EDF1: variants seen among roughly 807,000 people sequenced by gnomAD.
The protein encoded by EDF1 is endothelial differentiation-related factor 1.
A neutral mutation model predicts 20.8 loss-of-function variants in EDF1; 5 were observed. The observed-to-expected ratio is 0.24, with a 90% CI of 0.13 to 0.51. The LOEUF (loss-of-function observed/expected upper bound fraction) is 0.51. Among genes scored for constraint, EDF1 ranks in the 20% least tolerant of loss-of-function variants. EDF1 has a pLI of 0.97. For synonymous variants in EDF1, 96 were observed against 78.5 expected, an observed-to-expected ratio of 1.22 and a Z score of -1.18; for missense variants, 137 against 197.8, an observed-to-expected ratio of 0.69 and a Z score of 1.84.
At position 136,862,211 on chromosome 9, in the gene EDF1, G is replaced by A. The variant is rs1588397833; in HGVS notation, c.*73C>T. 2 of 1,595,578 alleles carry A rather than the reference G, an allele frequency of 1.3e-6. No homozygotes were observed. Among genetic ancestry groups the A allele is most frequent in the Non-Finnish European group, 1.7e-6 (2 of 1,163,580 alleles). On this transcript the variant is annotated 3_prime_UTR_variant, in exon 5 of 5. Coordinates refer to ENST00000224073, the MANE Select transcript of EDF1 (RefSeq NM_003792.4). The surrounding 1 kb of genome is among the most constrained non-coding windows in gnomAD (Gnocchi z 4.1). ...CCTTGTTCCGTTCGGCCCGTGAGGAGAACGGAACTGGCGGCCAAGGGGAAC... is the reference window on the plus strand; with the variant it reads ...CCTTGTTCCGTTCGGCCCGTGAGGAAAACGGAACTGGCGGCCAAGGGGAAC...
At position 136,862,775 on chromosome 9, in the gene EDF1, G is replaced by A. The variant is rs984956756; in HGVS notation, c.385+131C>T. 1.2e-6 allele frequency: 2 copies of A among 1,600,520 alleles called. No individual in the cohort carries two copies. The highest frequency in any genetic ancestry group is 1.3e-5 in the African/African-American group (1 of 74,782). ...AGTCTGTACTACCTGGAGAAGCAAAGCTCCAGAATTCAGAGAACAGGGGAC... is the reference window on the plus strand; with the variant it reads ...AGTCTGTACTACCTGGAGAAGCAAAACTCCAGAATTCAGAGAACAGGGGAC... On this transcript the variant is annotated intron_variant, in intron 4 of 4. Coordinates refer to ENST00000224073, the MANE Select transcript of EDF1 (RefSeq NM_003792.4). This position sits in a 1 kb window ranked among gnomAD's most constrained non-coding sequence, Gnocchi z 4.1.
In EDF1 at chr9:136,863,791, A is replaced by T; in HGVS notation, c.130+29T>A. On this transcript the variant is annotated intron_variant, in intron 2 of 4. Coordinates refer to ENST00000224073, the MANE Select transcript of EDF1 (RefSeq NM_003792.4). The surrounding 1 kb of genome is among the most constrained non-coding windows in gnomAD (Gnocchi z 4.5). ...CACATGGACCCCACAGCACAGCCTCATGTTGCAAGCGGAAACACAAGTACC... is the reference window on the plus strand; with the variant it reads ...CACATGGACCCCACAGCACAGCCTCTTGTTGCAAGCGGAAACACAAGTACC... The T allele has an allele frequency of 6.2e-7, 1 of 1,613,548 alleles. No homozygotes were observed. The highest frequency in any genetic ancestry group is 8.5e-7 in the Non-Finnish European group (1 of 1,179,770).
At chr9:136,864,007 G>A in intron 1 of EDF1, 136 bp from the exon 2 acceptor site, 1 of 878,424 alleles carries the variant, frequency 1.1e-6, no homozygotes, top group Non-Finnish European at 1.8e-6. Context: ...GCAGTCCTGG[G>A]TTCAGTTACC....
chr9:136,865,714 C>T (rs558337124), intron 1 of EDF1, among the ~76,000 whole-genome samples: 2 of 151,954 alleles, frequency 1.3e-5, no homozygotes, highest in African/African-American at 4.8e-5. Context: ...AGTGCCCACC[C>T]TGGTTCTCTG....
At chr9:136,864,106 A>G (rs1444517930) in intron 1 of EDF1, among the ~76,000 whole-genome samples, 1 of 152,110 alleles carries the variant, frequency 6.6e-6, no homozygotes, top group Non-Finnish European at 1.5e-5. Context: ...CACGAGTTCG[A>G]GACCAGCCTG....
rs1489477651 is a variant in EDF1, at chr9:136,863,406, G to A, written c.173C>T (p.Thr58Met). 5.0e-6 allele frequency: 8 copies of A among 1,614,108 alleles called. No homozygotes were observed. The highest frequency in any genetic ancestry group is 2.2e-5 in the East Asian group (1 of 44,890). Residue 58 changes from threonine (T) to methionine (M), a missense_variant, in exon 3 of 5, where the codon ACG becomes ATG. Transcript: ENST00000224073. This position sits in a 1 kb window ranked among gnomAD's most constrained non-coding sequence, Gnocchi z 4.5. ...QNKQHSITKN[T>M]AKLDRETEEL... is the part of the protein sequence containing the mutation. ...CTCTGTCTCCCGGTCCAGCTTGGCC[G>A]TGTTCTTGGTAATAGAATGTTGTTT...
chr9:136,865,549 C>A (rs925017281), intron 1 of EDF1, among the ~76,000 whole-genome samples: 11 of 151,946 alleles, frequency 7.2e-5, no homozygotes, highest in African/African-American at 2.4e-4. Flanking sequence ...CAACTGCTGT[C>A]CAATGGCCCC....
In EDF1 at chr9:136,866,273, AGCGTCCGTCCG is replaced by A. The variant is rs752555290; in HGVS notation, c.-26_-16del. ...CTCTCGGCCATGGCGGGCGAAGACG[AGCGTCCGTCCG>A]GCGGCTCAGCGGCAGCTGCTAGAGA... is the stretch of plus-strand genomic sequence containing the variant. On this transcript the variant is annotated 5_prime_UTR_variant, in exon 1 of 5. Coordinates refer to ENST00000224073, the MANE Select transcript of EDF1 (RefSeq NM_003792.4). The A allele has an allele frequency of 3.2e-5, 51 of 1,593,168 alleles. No homozygotes were observed. The highest frequency in any genetic ancestry group is 1.8e-5 in the Non-Finnish European group (21 of 1,173,530).
chr9:136,866,298 A>G lies in EDF1; in HGVS notation c.-40T>C, dbSNP rs1048065210. 9 of 1,585,666 alleles carry G rather than the reference A, an allele frequency of 5.7e-6. No individual in the cohort carries two copies. In the Admixed American group the frequency reaches 1.0e-4, roughly 18 times the overall value. ...AGCGTCCGTCCGGCGGCTCAGCGGCAGCTGCTAGAGACCTGGCGCGGCGAC... is the reference window on the plus strand; with the variant it reads ...AGCGTCCGTCCGGCGGCTCAGCGGCGGCTGCTAGAGACCTGGCGCGGCGAC... On this transcript the variant is annotated 5_prime_UTR_variant, in exon 1 of 5. Coordinates refer to ENST00000224073, the MANE Select transcript of EDF1 (RefSeq NM_003792.4).
Position 136,863,093 on chromosome 9 carries a change from C to T in EDF1, c.292-94G>A. On this transcript the variant is annotated intron_variant, in intron 3 of 4. Coordinates refer to ENST00000224073, the MANE Select transcript of EDF1 (RefSeq NM_003792.4). The surrounding 1 kb of genome is among the most constrained non-coding windows in gnomAD (Gnocchi z 4.5). ...CGCCTGAGAACAGCAGCTTCTAGGG[C>T]CCCTGGGGTACGCACCCACACGCAG... 1 of 1,559,044 alleles carries T rather than the reference C, an allele frequency of 6.4e-7. No individual in the cohort carries two copies.
chr9:136,862,436 G>GT lies in EDF1; in HGVS notation c.386-92_386-91insA. 1 of 1,613,594 alleles carries GT rather than the reference G, an allele frequency of 6.2e-7. No homozygotes were observed. Among genetic ancestry groups the GT allele is most frequent in the East Asian group, 2.2e-5 (1 of 44,876 alleles). On this transcript the variant is annotated intron_variant, in intron 4 of 4. Transcript: ENST00000224073. This position sits in a 1 kb window ranked among gnomAD's most constrained non-coding sequence, Gnocchi z 4.1. Reference sequence around the variant, plus strand: ...CTTCAACATCTTCCCAGGGAAGGGGGGCCACGCCGCTCCCGTGCCTCACTG... The same window carrying GT: ...CTTCAACATCTTCCCAGGGAAGGGGGTGCCACGCCGCTCCCGTGCCTCACTG...
At position 136,863,718 on chromosome 9, in the gene EDF1, C is replaced by T; in HGVS notation, c.130+102G>A. On this transcript the variant is annotated intron_variant, in intron 2 of 4. Coordinates refer to ENST00000224073, the MANE Select transcript of EDF1 (RefSeq NM_003792.4). The surrounding 1 kb of genome is among the most constrained non-coding windows in gnomAD (Gnocchi z 4.5). Reference sequence around the variant, plus strand: ...CGGCCAGCACCGGTGCAGGCAGGCACTCAGCTGACAACGTCCCCGGGGGCG... The same window carrying T: ...CGGCCAGCACCGGTGCAGGCAGGCATTCAGCTGACAACGTCCCCGGGGGCG... 6.9e-7 allele frequency: 1 copy of T among 1,443,796 alleles called. No individual in the cohort carries two copies. Among genetic ancestry groups the T allele is most frequent in the East Asian group, 2.3e-5 (1 of 43,878 alleles). The allele number at this position is 1,443,796 out of a possible 1,614,324, so 89.4% of individuals were successfully genotyped here. A position where few individuals can be genotyped will look rare whatever the true frequency, so the allele number is the denominator to read the frequency against.
At position 136,862,751 on chromosome 9, in the gene EDF1, G is replaced by T; in HGVS notation, c.385+155C>A. The stretch of plus-strand genomic sequence containing the variant: ...CCTGCAGAGACCCCACCATCCCTCA[G>T]TCTGTACTACCTGGAGAAGCAAAGC... On this transcript the variant is annotated intron_variant, in intron 4 of 4. Transcript: ENST00000224073. The surrounding 1 kb of genome is among the most constrained non-coding windows in gnomAD (Gnocchi z 4.1). 6.3e-7 allele frequency: 1 copy of T among 1,576,378 alleles called. No homozygotes were observed.
rs751320242 is a variant in EDF1 at position 136,866,296 on chromosome 9, G to A, written c.-38C>T. On this transcript the variant is annotated 5_prime_UTR_variant, in exon 1 of 5. Transcript: ENST00000224073. ...CGAGCGTCCGTCCGGCGGCTCAGCGGCAGCTGCTAGAGACCTGGCGCGGCG... is the reference window on the plus strand; with the variant it reads ...CGAGCGTCCGTCCGGCGGCTCAGCGACAGCTGCTAGAGACCTGGCGCGGCG... 2.5e-6 allele frequency: 4 copies of A among 1,587,228 alleles called. No homozygotes were observed. The highest frequency in any genetic ancestry group is 2.3e-5 in the East Asian group (1 of 42,710).
rs1480360132 is a variant in EDF1, at chr9:136,862,999, T to G, written c.292A>C (p.Lys98Gln). ...ATCACCTGTGGCTTCTCATTGATTT[T>G]CTAAAGAGAAGATGTGCTTTATACA... The part of the protein sequence containing the change: ...KGLTQKDLAT[K>Q]INEKPQVIAD... The change falls in exon 4 of 5, where the codon AAA (lysine) becomes CAA (glutamine). Residue 98 changes from lysine to glutamine, a missense_variant and splice_region_variant. Lys to Gln is a moderately conservative substitution (Grantham distance 53). Coordinates refer to ENST00000224073, the MANE Select transcript of EDF1 (RefSeq NM_003792.4). This position sits in a 1 kb window ranked among gnomAD's most constrained non-coding sequence, Gnocchi z 4.1. The G allele has an allele frequency of 6.2e-7, 1 of 1,613,756 alleles. No individual in the cohort carries two copies. Among genetic ancestry groups the G allele is most frequent in the East Asian group, 2.2e-5 (1 of 44,906 alleles).
In EDF1 at chr9:136,862,286, A is replaced by G; in HGVS notation, c.445T>C (p.Ter149ArgextTer?). 1 of 1,613,544 alleles carries G rather than the reference A, an allele frequency of 6.2e-7. No individual in the cohort carries two copies. The highest frequency in any genetic ancestry group is 8.5e-7 in the Non-Finnish European group (1 of 1,179,886). ...GCACTGATTTCGAGGCTTTGTGTTC[A>G]TTTCGCCCTAGGCCCCTTCTCGATG... is the stretch of plus-strand genomic sequence containing the variant. ...KPIEKGPRAK[*>R] Residue 149 changes from the stop codon to arginine, a stop_lost, in exon 5 of 5, where the codon TGA (stop) becomes CGA (arginine). Transcript: ENST00000224073. The surrounding 1 kb of genome is among the most constrained non-coding windows in gnomAD (Gnocchi z 4.1).
At chr9:136,864,789 A>T (rs1849181823) in intron 1 of EDF1, among the ~76,000 whole-genome samples, 1 of 151,832 alleles carries the variant, frequency 6.6e-6, no homozygotes, top group Non-Finnish European at 1.5e-5. Flanking sequence ...GTGCCTGGCT[A>T]ATTTTTTGTA....
Position 136,863,574 on chromosome 9 carries a change from T to TC in EDF1, c.131-127dup, listed in dbSNP as rs1213441684. The TC allele has an allele frequency of 4.8e-5, 63 of 1,301,554 alleles. No homozygotes were observed. In the Middle Eastern group the frequency reaches 8.8e-4, roughly 18 times the overall value. The allele number at this position is 1,301,554 out of a possible 1,614,324, so 80.6% of individuals were successfully genotyped here. A position where few individuals can be genotyped will look rare whatever the true frequency, so the allele number is the denominator to read the frequency against. ...CAAGGGGACATGGGAACCCAGGCTG[T>TC]CCCAAGTTCACACACCTCAGGTCGT... On this transcript the variant is annotated intron_variant, in intron 2 of 4. Transcript: ENST00000224073. The surrounding 1 kb of genome is among the most constrained non-coding windows in gnomAD (Gnocchi z 4.5).
Position 136,862,648 on chromosome 9 carries a change from T to A in EDF1, c.385+258A>T. On this transcript the variant is annotated intron_variant, in intron 4 of 4. Transcript: ENST00000224073. The surrounding 1 kb of genome is among the most constrained non-coding windows in gnomAD (Gnocchi z 4.1). ...CGCTGTGCTCAGGCTCAGAGAACCA[T>A]CGCCAACAGCACAGGCTGACGGGAA... 1 of 1,496,346 alleles carries A rather than the reference T, an allele frequency of 6.7e-7. No homozygotes were observed. Among genetic ancestry groups the A allele is most frequent in the Non-Finnish European group, 8.9e-7 (1 of 1,128,614 alleles). The allele number at this position is 1,496,346 out of a possible 1,614,324, so 92.7% of individuals were successfully genotyped here.
Sources: allele counts gnomAD v4.1 joint callset (sites outside exome capture counted in the v4.1 genomes callset), GRCh38; gene constraint gnomAD v4.1.1; non-coding constraint Gnocchi (gnomAD v3.1); transcripts MANE v1.5; gene names NCBI Gene and HGNC (gene_info 2026-07-23, HGNC 2026-07-21).